The following FBN2 variants were observed in gnomAD, a reference collection of about 807,000 sequenced individuals.
FBN2 encodes fibrillin 2, also known as fibrillin-2.
In FBN2, 105 loss-of-function variants were observed where a neutral mutation model predicts 355.6. The ratio of observed to expected loss-of-function variants is 0.30; its 90% CI spans 0.25 to 0.35. The LOEUF (loss-of-function observed/expected upper bound fraction) is 0.35. Ranked by LOEUF, FBN2 falls within the 10% of genes least tolerant of loss-of-function variation. The pLI, the probability that FBN2 is intolerant of heterozygous loss-of-function variation, is 1.00. For synonymous variants in FBN2, 1,350 were observed against 1,301.2 expected, an observed-to-expected ratio of 1.04 and a Z score of -0.81; for missense variants, 3,280 against 3,758.7, an observed-to-expected ratio of 0.87 and a Z score of 3.33.
intron 30 of FBN2, 70 bp downstream of exon 30, chr5:128,335,100 C>G: frequency 6.3e-7 from 1 of 1,596,560 alleles, no homozygotes; most frequent in Non-Finnish European, 8.6e-7. Flanking sequence ...CCTTTTATCA[C>G]GCTTGTGTGT....
intron 5 of FBN2, among the ~76,000 whole-genome samples, chr5:128,487,229 C>T (rs1026472875): frequency 7.9e-5 from 12 of 152,174 alleles, no homozygotes; most frequent in Non-Finnish European, 1.3e-4. Context: ...GAGATAGAGC[C>T]TCCTTCATTC....
intron 48 of FBN2, among the ~76,000 whole-genome samples, chr5:128,293,353 G>T (rs778891932): frequency 6.6e-6 from 1 of 152,090 alleles, no homozygotes; most frequent in Non-Finnish European, 1.5e-5. Flanking sequence ...TTAGCCAGGC[G>T]TGGTGGTGGG....
At chr5:128,356,964 A>G (rs1345421518) in intron 20 of FBN2, among the ~76,000 whole-genome samples, 1 of 152,204 alleles carries the variant, frequency 6.6e-6, no homozygotes, top group East Asian at 1.9e-4. Context: ...AGATTTGATT[A>G]TATTGCTGCC....
chr5:128,479,009 C>T (rs1190533816), intron 5 of FBN2, among the ~76,000 whole-genome samples: 1 of 152,136 alleles, frequency 6.6e-6, no homozygotes, highest in African/African-American at 2.4e-5. Context: ...TGTCATTATC[C>T]TCAAACATGG....
chr5:128,495,852 T>C (rs936246290), intron 5 of FBN2, among the ~76,000 whole-genome samples: 1 of 152,062 alleles, frequency 6.6e-6, no homozygotes, highest in African/African-American at 2.4e-5. Flanking sequence ...ATAAAGAGGA[T>C]AATGAAGTAA....
chr5:128,342,383 G>A (rs1009716265), intron 25 of FBN2, among the ~76,000 whole-genome samples: 1 of 152,036 alleles, frequency 6.6e-6, no homozygotes, highest in Non-Finnish European at 1.5e-5. Flanking sequence ...AAGATGTTTT[G>A]CAAGAGTAGA....
At chr5:128,337,641 T>C (rs1223054683) in intron 27 of FBN2, among the ~76,000 whole-genome samples, 2 of 151,956 alleles carry the variant, frequency 1.3e-5, no homozygotes. Context: ...TAGAGCGGAG[T>C]CTGCCGAGTG....
intron 5 of FBN2, among the ~76,000 whole-genome samples, chr5:128,489,184 T>C (rs186213936): frequency 6.6e-5 from 10 of 152,282 alleles, no homozygotes; most frequent in Admixed American, 4.6e-4. Context: ...TTTTTAATGA[T>C]TGCCATTCTA....
At chr5:128,312,166 AT>A (rs1750074811) in intron 37 of FBN2, among the ~76,000 whole-genome samples, 1 of 152,180 alleles carries the variant, frequency 6.6e-6, no homozygotes, top group African/African-American at 2.4e-5. Context: ...AACACGAACC[AT>A]TTGTTTTTAA....
chr5:128,289,586 AAAAT>A (rs1308738861), intron 51 of FBN2, among the ~76,000 whole-genome samples: 1 of 152,018 alleles, frequency 6.6e-6, no homozygotes, highest in Non-Finnish European at 1.5e-5. Context: ...ACTCCACCTC[AAAAT>A]AAATAAATAA....
chr5:128,375,136 T>C (rs1045961875), intron 14 of FBN2, among the ~76,000 whole-genome samples: 2 of 152,212 alleles, frequency 1.3e-5, no homozygotes, highest in African/African-American at 4.8e-5. Flanking sequence ...TTTGGTCATT[T>C]GATAATAACA....
intron 48 of FBN2, 65 bp downstream of exon 48, chr5:128,300,752 A>G: frequency 2.6e-6 from 4 of 1,552,658 alleles, no homozygotes; most frequent in Non-Finnish European, 3.6e-6. Flanking sequence ...GTATGTTTCC[A>G]GAGTCTTTAC....
chr5:128,364,677 C>T lies in FBN2; in HGVS notation c.2351G>A (p.Cys784Tyr). 6.2e-7 allele frequency: 1 copy of T among 1,613,380 alleles called. No individual in the cohort carries two copies. The highest frequency in any genetic ancestry group is 2.2e-5 in the East Asian group (1 of 44,818). ...ACGGTAACTACCACGTAAGTTTTCA[C>T]AAATCCCATTGGCACATATATCAGG... ...LDPDICANGI[C>Y]ENLRGSYRCN... The change falls in exon 18 of 65, where the codon TGT becomes TAT. Residue 784 changes from cysteine (C) to tyrosine (Y), a missense_variant. Coordinates refer to ENST00000262464, the MANE Select transcript of FBN2 (RefSeq NM_001999.4).
At chr5:128,311,202 G>T in intron 39 of FBN2, 98 bp downstream of exon 39, 2 of 1,295,294 alleles carry the variant, frequency 1.5e-6, no homozygotes, top group Non-Finnish European at 2.2e-6. Context: ...TCTTAATTGA[G>T]CCTTTTGTAG....
At chr5:128,527,734 G>A in intron 4 of FBN2, 138 bp downstream of exon 4, 1 of 647,444 alleles carries the variant, frequency 1.5e-6, no homozygotes, top group Non-Finnish European at 2.7e-6. Context: ...ATAAAAATTA[G>A]AAATTCAGTT....
Position 128,338,012 on chromosome 5 carries a change from G to A in FBN2, c.3583C>T (p.Arg1195Cys), listed in dbSNP as rs757232992. ...CPLGHELSPSREDCVDINECS... is the reference protein window; with the variant it reads ...CPLGHELSPSCEDCVDINECS... ...ATAAACTCACCCACACAGTCCTCAC[G>A]GGATGGTGACAGCTCGTGTCCCAGT... Residue 1195 changes from arginine (R) to cysteine (C), a missense_variant, in exon 27 of 65, where the codon CGT becomes TGT. Transcript: ENST00000262464. The A allele has an allele frequency of 2.0e-5, 33 of 1,614,004 alleles. 1 individual carries two copies. The highest frequency in any genetic ancestry group is 2.7e-5 in the African/African-American group (2 of 74,934).
chr5:128,524,167 A>G (rs1333992144), intron 4 of FBN2, among the ~76,000 whole-genome samples: 1 of 152,070 alleles, frequency 6.6e-6, no homozygotes. Context: ...TCCAAAATAC[A>G]TGGAGTCTGT....
At chr5:128,466,424 T>A (rs1754711594) in intron 5 of FBN2, among the ~76,000 whole-genome samples, 1 of 152,178 alleles carries the variant, frequency 6.6e-6, no homozygotes, top group Non-Finnish European at 1.5e-5. Context: ...GAAGAGTCAA[T>A]AATGTTGGTA....
chr5:128,365,238 T>C (rs1399145397), intron 17 of FBN2: 2 of 160,384 alleles, frequency 1.2e-5, no homozygotes, highest in Non-Finnish European at 2.7e-5. Context: ...ACTTTAAACA[T>C]GGATGCTTCA....
Sources: allele counts gnomAD v4.1 joint callset (sites outside exome capture counted in the v4.1 genomes callset), GRCh38; gene constraint gnomAD v4.1.1; transcripts MANE v1.5; gene names NCBI Gene and HGNC (gene_info 2026-07-23, HGNC 2026-07-21).